The following TOM1L2 variants were observed in gnomAD, a reference collection of about 807,000 sequenced individuals.
The protein encoded by TOM1L2 is TOM1-like protein 2.
TOM1L2 carries 31 observed loss-of-function variants against 67.9 expected under a neutral mutation model. The ratio of observed to expected loss-of-function variants is 0.46; its 90% CI spans 0.34 to 0.62. TOM1L2 has a LOEUF of 0.62. Ranked by LOEUF, TOM1L2 falls within the 20% of genes least tolerant of loss-of-function variation. The probability of loss-of-function intolerance (pLI) is 0.01; values close to 1 mark genes in which losing one functional copy is unlikely to be tolerated. For missense variants in TOM1L2, 606 were observed against 663.5 expected (o/e 0.91, Z 0.95); for synonymous variants, 256 against 254.0 (o/e 1.01, Z -0.07).
chr17:17,888,321 C>G (rs893346169), intron 4 of TOM1L2, among the ~76,000 whole-genome samples: 1 of 152,144 alleles, frequency 6.6e-6, no homozygotes, highest in Non-Finnish European at 1.5e-5. Flanking sequence ...TCCTTTGGAC[C>G]GTATACAAAA....
chr17:17,934,096 G>A (rs76595964), intron 1 of TOM1L2, among the ~76,000 whole-genome samples: 3,398 of 152,234 alleles, frequency 0.022, 59 homozygotes, highest in Middle Eastern at 0.065. Context: ...ACACAAACTA[G>A]TATATTTTTT....
intron 7 of TOM1L2, among the ~76,000 whole-genome samples, chr17:17,876,842 C>T (rs2037450461): frequency 6.6e-6 from 1 of 152,244 alleles, no homozygotes; most frequent in South Asian, 2.1e-4. Context: ...AGCAAGAGGG[C>T]TGCTGTGAAC....
chr17:17,947,838 T>C (rs201598372), intron 1 of TOM1L2, among the ~76,000 whole-genome samples: 29 of 152,354 alleles, frequency 1.9e-4, no homozygotes, highest in East Asian at 3.9e-4. Context: ...GTTGTATTCA[T>C]TTTTAATTTC....
intron 10 of TOM1L2, among the ~76,000 whole-genome samples, chr17:17,864,896 G>A (rs1295563026): frequency 2.0e-5 from 3 of 152,122 alleles, no homozygotes; most frequent in East Asian, 1.9e-4. Context: ...ACAAATATAC[G>A]AAATATTGAG....
At chr17:17,852,397 C>A (rs2036025591) in intron 12 of TOM1L2, among the ~76,000 whole-genome samples, 1 of 152,220 alleles carries the variant, frequency 6.6e-6, no homozygotes, top group Non-Finnish European at 1.5e-5. Flanking sequence ...GAGCTCTTCA[C>A]TCCCTCAGTG....
At chr17:17,898,765 A>G (rs2038705684) in intron 2 of TOM1L2, 91 bp from the exon 3 acceptor site, 1 of 1,267,066 alleles carries the variant, frequency 7.9e-7, no homozygotes, top group East Asian at 2.4e-5. Context: ...ATGCAAGACT[A>G]TTTGCTGGCT....
At chr17:17,877,873 T>C (rs1316396869) in intron 7 of TOM1L2, among the ~76,000 whole-genome samples, 1 of 151,188 alleles carries the variant, frequency 6.6e-6, no homozygotes, top group Non-Finnish European at 1.5e-5. Context: ...CTGATGGGCT[T>C]GTTTAAAAAA....
chr17:17,945,546 C>A (rs2040909267), intron 1 of TOM1L2, among the ~76,000 whole-genome samples: 2 of 152,106 alleles, frequency 1.3e-5, no homozygotes, highest in African/African-American at 4.8e-5. Context: ...TTAGGGAGAC[C>A]CACATTACAT....
intron 1 of TOM1L2, among the ~76,000 whole-genome samples, chr17:17,931,786 A>G (rs2040346410): frequency 6.6e-6 from 1 of 152,198 alleles, no homozygotes; most frequent in Non-Finnish European, 1.5e-5. Flanking sequence ...CACACGTGAC[A>G]CTGTTAGCCC....
chr17:17,942,379 G>A (rs1210830822), intron 1 of TOM1L2, among the ~76,000 whole-genome samples: 1 of 152,152 alleles, frequency 6.6e-6, no homozygotes, highest in African/African-American at 2.4e-5. Flanking sequence ...CAAGATCTCA[G>A]GCAAGTTCAT....
intron 13 of TOM1L2, among the ~76,000 whole-genome samples, chr17:17,850,470 T>G (rs1481675985): frequency 6.6e-6 from 1 of 150,946 alleles, no homozygotes; most frequent in Non-Finnish European, 1.5e-5. Context: ...GTGTGTATAC[T>G]TCACAATTAA....
intron 2 of TOM1L2, 105 bp downstream of exon 2, chr17:17,907,342 T>C (rs2039143871): frequency 1.0e-6 from 1 of 988,792 alleles, no homozygotes; most frequent in Non-Finnish European, 1.5e-6. Context: ...CCAAACATAC[T>C]AGGAACAAAA....
intron 1 of TOM1L2, among the ~76,000 whole-genome samples, chr17:17,928,984 A>C (rs1463425211): frequency 2.6e-5 from 4 of 152,198 alleles, no homozygotes; most frequent in Non-Finnish European, 5.9e-5. Context: ...CACACAGAAA[A>C]ATCCCATTTT....
intron 4 of TOM1L2, among the ~76,000 whole-genome samples, chr17:17,893,059 G>A (rs776896305): frequency 8.5e-5 from 13 of 152,186 alleles, no homozygotes; most frequent in East Asian, 1.9e-4. Context: ...AACATTTTCC[G>A]TTTGAAGGTA....
chr17:17,875,695 T>C (rs2037392587), intron 7 of TOM1L2, among the ~76,000 whole-genome samples: 1 of 152,256 alleles, frequency 6.6e-6, no homozygotes, highest in Non-Finnish European at 1.5e-5. Flanking sequence ...GCCTTTATCT[T>C]TTCTTCAAGG....
intron 1 of TOM1L2, among the ~76,000 whole-genome samples, chr17:17,920,335 ATTTTTTTTTTTTT>A (rs771122365): frequency 2.1e-5 from 2 of 93,252 alleles, no homozygotes; most frequent in Non-Finnish European, 4.1e-5. Context: ...AATGTTCAAT[ATTTTTTTTTTTTT>A]TTTTTTTTTT....
chr17:17,867,963 C>G (rs184179818), intron 8 of TOM1L2, among the ~76,000 whole-genome samples: 1 of 152,338 alleles, frequency 6.6e-6, no homozygotes, highest in Non-Finnish European at 1.5e-5. Context: ...GACACTCTAA[C>G]CAGGATAGCA....
rs547779565 is a variant in TOM1L2, at chr17:17,968,393, G to T, written c.52+3869C>A. 1.3e-5 allele frequency among the ~76,000 whole-genome samples: 2 copies of T among 152,184 alleles called. 1 individual carries two copies. Among genetic ancestry groups the T allele is most frequent in the South Asian group, 4.1e-4 (2 of 4,830 alleles). On this transcript the variant is annotated intron_variant, in intron 1 of 14. Transcript: ENST00000379504. ...AAAGAACGTAGTCTTTGGGCCGGGCGCAATGGCTCACTCCTATAATCCTAG... is the reference window on the plus strand; with the variant it reads ...AAAGAACGTAGTCTTTGGGCCGGGCTCAATGGCTCACTCCTATAATCCTAG...
intron 1 of TOM1L2, among the ~76,000 whole-genome samples, chr17:17,924,523 G>C (rs1335663603): frequency 6.6e-6 from 1 of 151,990 alleles, no homozygotes; most frequent in Non-Finnish European, 1.5e-5. Flanking sequence ...TCCTTAGCTG[G>C]GTGCAGTGGC....
Sources: gnomAD v4.1 joint callset for allele counts (sites outside exome capture counted in the v4.1 genomes callset) on GRCh38, gnomAD v4.1.1 for gene constraint, MANE v1.5 for transcripts, NCBI Gene and HGNC (gene_info 2026-07-23, HGNC 2026-07-21) for gene names.